EYS: variants seen among roughly 807,000 people sequenced by gnomAD.
The protein encoded by EYS is EGF-like photoreceptor maintenance factor.
Under a neutral mutation model 282.1 loss-of-function variants are expected in EYS, and 250 were observed. The ratio of observed to expected loss-of-function variants is 0.89; its 90% CI spans 0.80 to 0.98. The LOEUF is 0.98. Among genes scored for constraint, EYS ranks in the 50% least tolerant of loss-of-function variants. EYS has a pLI of 0.00. For synonymous variants in EYS, 1,355 were observed against 1,282.9 expected (o/e 1.06, Z -1.20); for missense variants, 4,016 against 3,709.0 (o/e 1.08, Z -2.15).
chr6:65,139,348 C>T (rs1764262391), intron 12 of EYS, among the ~76,000 whole-genome samples: 1 of 151,972 alleles, frequency 6.6e-6, no homozygotes, highest in Non-Finnish European at 1.5e-5. Context: ...AACCAAATAC[C>T]ATCTGTTATT....
At chr6:64,947,862 T>A (rs141714714) in intron 14 of EYS, among the ~76,000 whole-genome samples, 3 of 151,792 alleles carry the variant, frequency 2.0e-5, no homozygotes, top group African/African-American at 7.2e-5. Context: ...CCATTCGTTA[T>A]GTTCTGAAAT....
At chr6:63,949,869 T>C (rs1302314352) in intron 35 of EYS, among the ~76,000 whole-genome samples, 2 of 152,194 alleles carry the variant, frequency 1.3e-5, no homozygotes, top group African/African-American at 4.8e-5. Context: ...ACCAGTCTCA[T>C]CAGCATTAAA....
intron 26 of EYS, among the ~76,000 whole-genome samples, chr6:64,513,222 T>C (rs770383583): frequency 6.6e-6 from 1 of 151,912 alleles, no homozygotes; most frequent in African/African-American, 2.4e-5. Context: ...AAAGAGTACA[T>C]AATTGAATTA....
chr6:64,952,053 C>G (rs1424534540), intron 14 of EYS, among the ~76,000 whole-genome samples: 1 of 151,872 alleles, frequency 6.6e-6, no homozygotes, highest in Non-Finnish European at 1.5e-5. Context: ...AGGAGTAAAT[C>G]ATACAGGCAG....
intron 22 of EYS, among the ~76,000 whole-genome samples, chr6:64,726,424 T>C (rs1771758463): frequency 6.6e-6 from 1 of 152,162 alleles, no homozygotes. Flanking sequence ...ATCTTTTAAA[T>C]ATGCAAACAT....
chr6:63,827,013 C>T (rs1771487273), intron 36 of EYS, among the ~76,000 whole-genome samples: 2 of 152,120 alleles, frequency 1.3e-5, no homozygotes, highest in Admixed American at 1.3e-4. Context: ...ACTCACCAAC[C>T]ATCTGCTGCC....
At position 63,839,134 on chromosome 6, in the gene EYS, T is replaced by C. The variant is rs141147131; in HGVS notation, c.7228+25052A>G. Among the ~76,000 whole-genome samples, 697 of 152,300 alleles carry C rather than the reference T, an allele frequency of 4.6e-3. 6 individuals are homozygous for C. Among genetic ancestry groups the C allele is most frequent in the African/African-American group, 0.016 (670 of 41,572 alleles). On this transcript the variant is annotated intron_variant, in intron 36 of 42. Coordinates refer to ENST00000503581, the MANE Select transcript of EYS (RefSeq NM_001142800.2). ...ATTATTGTTAATTATAGTCACTCTG[T>C]AGTGTCATAGAATGCTAGAACTTTT...
intron 2 of EYS, among the ~76,000 whole-genome samples, chr6:65,560,601 A>G (rs541145742): frequency 1.3e-5 from 2 of 151,718 alleles, no homozygotes; most frequent in Non-Finnish European, 2.9e-5. Flanking sequence ...AAATGATGGC[A>G]TGCATCTCTG....
intron 22 of EYS, among the ~76,000 whole-genome samples, chr6:64,719,446 A>C (rs1214460818): frequency 1.3e-5 from 2 of 152,186 alleles, no homozygotes; most frequent in East Asian, 3.8e-4. Context: ...ATCATTTTAA[A>C]CTAAAAATGT....
intron 28 of EYS, among the ~76,000 whole-genome samples, chr6:64,389,813 G>A (rs377256992): frequency 2.0e-5 from 3 of 152,266 alleles, no homozygotes; most frequent in South Asian, 2.1e-4. Context: ...AGCTCCCAGC[G>A]TGAGCGACGC....
chr6:65,044,499 T>C (rs1035643510), intron 13 of EYS, among the ~76,000 whole-genome samples: 2 of 151,848 alleles, frequency 1.3e-5, no homozygotes, highest in Non-Finnish European at 2.9e-5. Context: ...CTTCTAGTAA[T>C]TTTACTATAG....
intron 13 of EYS, among the ~76,000 whole-genome samples, chr6:65,014,383 T>C (rs1771977771): frequency 6.6e-6 from 1 of 152,198 alleles, no homozygotes. Flanking sequence ...ATTAAATCTA[T>C]AAGCTTGTGA....
At position 65,115,965 on chromosome 6, in the gene EYS, TA is replaced by T. The variant is rs747519060; in HGVS notation, c.2024-58239del. 8.7e-3 allele frequency among the ~76,000 whole-genome samples: 855 copies of T among 98,554 alleles called. 3 individuals carry two copies. The highest frequency in any genetic ancestry group is 0.02 in the Middle Eastern group (4 of 200). 64.7% of individuals were successfully genotyped at this position (98,554 alleles called of 152,430 possible). ...ATGTCTGTCTGTCTGTCTGTCTATC[TA>T]ATCTATCTATCTATCTATCTATCTA... On this transcript the variant is annotated intron_variant, in intron 12 of 42. Coordinates refer to ENST00000503581, the MANE Select transcript of EYS (RefSeq NM_001142800.2).
chr6:64,333,044 G>A (rs1040189089), intron 29 of EYS, among the ~76,000 whole-genome samples: 1 of 152,068 alleles, frequency 6.6e-6, no homozygotes. Context: ...TCCAGAAAAG[G>A]TGTGACTAAA....
At chr6:64,530,161 A>G (rs1316404640) in intron 26 of EYS, among the ~76,000 whole-genome samples, 2 of 152,160 alleles carry the variant, frequency 1.3e-5, no homozygotes, top group Non-Finnish European at 1.5e-5. Flanking sequence ...CTGCTTCAGT[A>G]TAATTATCTA....
intron 14 of EYS, among the ~76,000 whole-genome samples, chr6:64,987,480 T>G (rs1447929894): frequency 6.6e-6 from 1 of 151,496 alleles, no homozygotes; most frequent in Non-Finnish European, 1.5e-5. Context: ...CACAGGTGAT[T>G]CTGGTGTATT....
At chr6:64,354,225 C>G (rs960823592) in intron 29 of EYS, among the ~76,000 whole-genome samples, 1 of 151,582 alleles carries the variant, frequency 6.6e-6, no homozygotes, top group African/African-American at 2.4e-5. Context: ...ATTACATAAT[C>G]TTTTCTGGAA....
At chr6:64,017,853 G>A (rs913627488) in intron 33 of EYS, among the ~76,000 whole-genome samples, 1 of 152,072 alleles carries the variant, frequency 6.6e-6, no homozygotes, top group Non-Finnish European at 1.5e-5. Context: ...TAAACCTCTG[G>A]GCAATTTACT....
chr6:65,571,132 TA>T, intron 2 of EYS, among the ~76,000 whole-genome samples: 1 of 152,042 alleles, frequency 6.6e-6, no homozygotes, highest in Admixed American at 6.6e-5. Flanking sequence ...GGGGCATTTG[TA>T]AAAAAAGACA....
Sources: gnomAD v4.1 joint callset for allele counts (sites outside exome capture counted in the v4.1 genomes callset) on GRCh38, gnomAD v4.1.1 for gene constraint, MANE v1.5 for transcripts, NCBI Gene and HGNC (gene_info 2026-07-23, HGNC 2026-07-21) for gene names.